Variants in CYP17A1 observed in about 807,000 individuals in gnomAD.
The protein encoded by CYP17A1 is steroid 17-alpha-hydroxylase/17,20 lyase.
CYP17A1 carries 27 observed loss-of-function variants against 38.5 expected under a neutral mutation model. The observed-to-expected ratio is 0.70, with a 90% confidence interval of 0.52 to 0.97. The LOEUF (loss-of-function observed/expected upper bound fraction) is 0.97, where lower values mean the gene tolerates loss of function less well. CYP17A1 is among the 50% of genes least tolerant of loss of function. The pLI is 0.00. For synonymous variants in CYP17A1, 263 were observed against 253.3 expected (o/e 1.04, Z -0.36); for missense variants, 549 against 645.9 (o/e 0.85, Z 1.63).
At chr10:102,833,413 G>A (rs1844118858) in intron 4 of CYP17A1, 2 of 897,044 alleles carry the variant, frequency 2.2e-6, no homozygotes, top group East Asian at 3.0e-5. Flanking sequence ...TCTCTTCTAG[G>A]ATCCTCTTCA....
intron 3 of CYP17A1, chr10:102,834,445 C>T (rs1332100098): frequency 5.4e-6 from 3 of 550,576 alleles, no homozygotes; most frequent in Non-Finnish European, 6.7e-6. Context: ...GCTCCTTAAC[C>T]CCGCTAAGCC....
rs375350911 is a variant in CYP17A1 at position 102,834,797 on chromosome 10, G to C, written c.654C>G (p.Val218=). 1.9e-6 allele frequency: 3 copies of C among 1,614,010 alleles called. No homozygotes were observed. The African/African-American group carries it at 4.0e-5, about 22-fold the overall frequency. Residue 218 remains valine, a synonymous_variant, in exon 3 of 8, where the codon GTC becomes GTG. Coordinates refer to ENST00000369887, the MANE Select transcript of CYP17A1 (RefSeq NM_000102.4). ...GGCAGCATCTCACCTTCAACCAGGG[G>C]ACTAGGTCCACCAGGCTGTCTTTGC... ...NLSKDSLVDL[V]PWLKIFPNKT...
intron 5 of CYP17A1, 127 bp from the exon 6 acceptor site, chr10:102,832,807 G>A: frequency 7.4e-7 from 1 of 1,350,356 alleles, no homozygotes; most frequent in Non-Finnish European, 1.1e-6. Flanking sequence ...TGGCTCTGGG[G>A]CCCAGGCCCG....
At chr10:102,832,882 G>A (rs1844109947) in intron 5 of CYP17A1, 111 bp downstream of exon 5, 1 of 1,542,186 alleles carries the variant, frequency 6.5e-7, no homozygotes, top group African/African-American at 1.4e-5. Context: ...GTAAGGAGCA[G>A]GGCAGGCCTA....
chr10:102,831,359 T>A, intron 7 of CYP17A1, 149 bp downstream of exon 7: 2 of 1,350,782 alleles, frequency 1.5e-6, no homozygotes, highest in Non-Finnish European at 2.0e-6. Context: ...TGGGTAAGTC[T>A]ATGGCAGGAT....
chr10:102,835,178 C>G, intron 2 of CYP17A1, 76 bp downstream of exon 2: 2 of 1,386,970 alleles, frequency 1.4e-6, no homozygotes, highest in Non-Finnish European at 2.0e-6. Flanking sequence ...AACCCTTACC[C>G]CTGCCCAACC....
intron 3 of CYP17A1, chr10:102,834,527 A>T: frequency 8.4e-6 from 5 of 595,310 alleles, no homozygotes; most frequent in Non-Finnish European, 1.5e-5. Context: ...TGCGTATAGA[A>T]TGCTTAGTAC....
Position 102,834,693 on chromosome 10 carries a change from T to C in CYP17A1, c.666+92A>G, listed in dbSNP as rs1844136392. 1.1e-5 allele frequency: 17 copies of C among 1,586,850 alleles called. No individual in the cohort carries two copies. In the South Asian group the frequency reaches 1.9e-4, roughly 18 times the overall value. ...AGGTAATCAGGAAAAAGATGGGTCA[T>C]TGCGGCTGGAGCAGGGAAGTAAAAA... On this transcript the variant is annotated intron_variant, in intron 3 of 7. Coordinates refer to ENST00000369887, the MANE Select transcript of CYP17A1 (RefSeq NM_000102.4).
Position 102,837,124 on chromosome 10 carries a change from G to T in CYP17A1, c.238C>A (p.Gln80Lys). 1 of 1,602,088 alleles carries T rather than the reference G, an allele frequency of 6.2e-7. No individual in the cohort carries two copies. The highest frequency in any genetic ancestry group is 8.6e-7 in the Non-Finnish European group (1 of 1,168,912). Reference protein sequence around the residue: ...TKTTVIVGHHQLAKEVLIKKG... With the variant: ...TKTTVIVGHHKLAKEVLIKKG... The stretch of plus-strand genomic sequence containing the variant: ...TTAATAAGCACCTCCTTGGCCAGCT[G>T]GTGGTGGCCGACAATCACTGTAGTC... Residue 80 changes from glutamine to lysine, a missense_variant, in exon 1 of 8, where the codon CAG (glutamine) becomes AAG (lysine). Around this residue, in one of 3 missense-constraint regions of CYP17A1, gnomAD observed 289 missense variants for 320.9 expected, o/e 0.90. Transcript: ENST00000369887.
chr10:102,834,100 TC>T lies in CYP17A1; in HGVS notation c.688del (p.Glu230LysfsTer3). On this transcript the variant is annotated frameshift_variant, in exon 4 of 8. Transcript: ENST00000369887. LOFTEE classifies it high-confidence loss of function. Reference protein sequence around the residue: ...WLKIFPNKTLEKLKSHVKIRN... With the variant: ...WLKIFPNKTLXKLKSHVKIRN... ...TATTTTAACATGGCTCTTTAATTTT[TC>T]CAGGGTTTTGTTGGGGAAAATCTGG... 7.6e-7 allele frequency: 1 copy of T among 1,318,842 alleles called. No homozygotes were observed. The highest frequency in any genetic ancestry group is 1.1e-6 in the Non-Finnish European group (1 of 910,206). 81.7% of individuals were successfully genotyped at this position (1,318,842 alleles called of 1,614,324 possible).
chr10:102,834,917 G>T lies in CYP17A1; in HGVS notation c.534C>A (p.Val178=). 1 of 1,613,822 alleles carries T rather than the reference G, an allele frequency of 6.2e-7. No individual in the cohort carries two copies. The highest frequency in any genetic ancestry group is 8.5e-7 in the Non-Finnish European group (1 of 1,179,788). The change falls in exon 3 of 8, where the codon GTC becomes GTA. Residue 178 remains valine (V), a synonymous_variant. Transcript: ENST00000369887. ...AGGTATTGAAGCAGATCAAGGAGAT[G>T]ACATTGGTTACCGCCACGAAGACAG... is the stretch of plus-strand genomic sequence containing the variant. ...SFPVFVAVTN[V]ISLICFNTSY...
intron 4 of CYP17A1, 120 bp downstream of exon 4, chr10:102,833,910 GTACACC>G: frequency 1.5e-6 from 1 of 683,182 alleles, no homozygotes; most frequent in South Asian, 1.6e-5. Context: ...AGTTTTTATT[GTACACC>G]TACTATGTGC....
intron 1 of CYP17A1, 73 bp from the exon 2 acceptor site, chr10:102,835,465 T>G: frequency 7.6e-7 from 1 of 1,313,158 alleles, no homozygotes; most frequent in Non-Finnish European, 1.1e-6. Context: ...CTCTGGTCCC[T>G]GCTTTCCTTC....
In CYP17A1 at chr10:102,835,407, C is replaced by A. The variant is rs1844150752; in HGVS notation, c.298-15G>T. 2 of 1,608,808 alleles carry A rather than the reference C, an allele frequency of 1.2e-6. No homozygotes were observed. The highest frequency in any genetic ancestry group is 4.5e-5 in the East Asian group (2 of 44,860). On this transcript the variant is annotated splice_polypyrimidine_tract_variant and intron_variant, in intron 1 of 7. Transcript: ENST00000369887. ...TCTAGAGTTGCCTTTAGAGAGCAGG[C>A]AAGGCTGTAGGAATCTCACACCATC...
Position 102,834,785 on chromosome 10 carries a change from C to T in CYP17A1, c.666G>A (p.Lys222=). The T allele has an allele frequency of 6.2e-7, 1 of 1,614,126 alleles. No individual in the cohort carries two copies. Among genetic ancestry groups the T allele is most frequent in the Admixed American group, 1.7e-5 (1 of 60,004 alleles). The change falls in exon 3 of 8, where the codon AAG becomes AAA. Residue 222 remains lysine, a splice_region_variant and synonymous_variant. Transcript: ENST00000369887. ...DSLVDLVPWL[K]IFPNKTLEKL... ...GAAGGCAGGGCTGGCAGCATCTCAC[C>T]TTCAACCAGGGGACTAGGTCCACCA...
intron 1 of CYP17A1, chr10:102,836,853 C>G (rs12219555): frequency 9.0e-4 from 538 of 598,556 alleles, no homozygotes; most frequent in African/African-American, 7.6e-3. Flanking sequence ...CCTGGGCAGC[C>G]TGGTAGAGGA....
rs1261511811 is a variant in CYP17A1, at chr10:102,834,822, C to G, written c.629G>C (p.Ser210Thr). The G allele has an allele frequency of 5.6e-6, 9 of 1,614,026 alleles. No homozygotes were observed. The highest frequency in any genetic ancestry group is 7.6e-6 in the Non-Finnish European group (9 of 1,180,046). The change falls in exon 3 of 8, where the codon AGC becomes ACC. Residue 210 changes from serine to threonine, a missense_variant. This residue lies in a region of CYP17A1 where 289 missense variants were observed against 320.9 expected (regional missense o/e 0.90). Coordinates refer to ENST00000369887, the MANE Select transcript of CYP17A1 (RefSeq NM_000102.4). ...NYNEGIIDNL[S>T]KDSLVDLVPW... ...GACTAGGTCCACCAGGCTGTCTTTG[C>G]TCAGGTTGTCTATGATGCCTTCATT... is the stretch of plus-strand genomic sequence containing the variant.
chr10:102,833,459 T>A, intron 4 of CYP17A1: 1 of 205,848 alleles, frequency 4.9e-6, no homozygotes, highest in Non-Finnish European at 8.7e-6. Context: ...CTTGAGTCAG[T>A]TTTTTTTTTT....
rs554112012 is a variant in CYP17A1 at position 102,831,357 on chromosome 10, T to A, written c.1243+151A>T. 2.6e-5 allele frequency: 35 copies of A among 1,340,772 alleles called. 1 individual carries two copies. The South Asian group carries it at 4.3e-4, about 16-fold the overall frequency. 83.1% of individuals were successfully genotyped at this position (1,340,772 alleles called of 1,614,324 possible). A position where few individuals can be genotyped will look rare whatever the true frequency, so the allele number is the denominator to read the frequency against. On this transcript the variant is annotated intron_variant, in intron 7 of 7. Coordinates refer to ENST00000369887, the MANE Select transcript of CYP17A1 (RefSeq NM_000102.4). ...CCCAGCTGTGAAGAGTTTGGGTAAG[T>A]CTATGGCAGGATGAGGGTGTCAACA...
Sources: allele counts gnomAD v4.1 joint callset, GRCh38; gene constraint gnomAD v4.1.1; regional missense constraint gnomAD v4.1.1; transcripts MANE v1.5; gene names NCBI Gene and HGNC (gene_info 2026-07-23, HGNC 2026-07-21).